The following SLC4A2 variants were observed in gnomAD, a reference collection of about 807,000 sequenced individuals.
The protein encoded by SLC4A2 is anion exchange protein 2.
SLC4A2 carries 36 observed loss-of-function variants against 115.0 expected under a neutral mutation model. The observed-to-expected ratio is 0.31, with a 90% CI of 0.24 to 0.41. The LOEUF is 0.41. SLC4A2 is among the 10% of genes least tolerant of loss of function. SLC4A2 has a pLI of 1.00. For synonymous variants in SLC4A2, 708 were observed against 708.3 expected, an observed-to-expected ratio of 1.00 and a Z score of 0.01; for missense variants, 1,252 against 1,705.6, an observed-to-expected ratio of 0.73 and a Z score of 4.68.
At chr7:151,072,483 G>A (rs1219297893) in intron 16 of SLC4A2, among the ~76,000 whole-genome samples, 3 of 151,838 alleles carry the variant, frequency 2.0e-5, no homozygotes, top group Non-Finnish European at 4.4e-5. Context: ...GTAGAGACGG[G>A]TTTCACCGTA....
At chr7:151,062,581 C>G in intron 2 of SLC4A2, 5 of 1,468,728 alleles carry the variant, frequency 3.4e-6, no homozygotes, top group Non-Finnish European at 4.5e-6. Flanking sequence ...GGGCACGTGA[C>G]TGGGAAGGGG....
intron 16 of SLC4A2, among the ~76,000 whole-genome samples, chr7:151,073,726 G>A (rs1797520247): frequency 6.6e-6 from 1 of 152,196 alleles, no homozygotes; most frequent in African/African-American, 2.4e-5. Flanking sequence ...GGCATCAGAT[G>A]TGTGTGACAG....
chr7:151,075,730 G>A lies in SLC4A2; in HGVS notation c.3426G>A (p.Leu1142=), dbSNP rs1797605930. The change falls in exon 21 of 23, where the codon CTG becomes CTA. Residue 1142 remains leucine, a synonymous_variant. Transcript: ENST00000413384. ...AGTTCTATGAGCGGCTGCATCTGCT[G>A]CTCATGCCGCCCAAACACCACCCAG... ...GIQFYERLHL[L]LMPPKHHPDV... is the part of the protein sequence containing the mutation. 1.2e-6 allele frequency: 2 copies of A among 1,610,620 alleles called. No individual in the cohort carries two copies. Among genetic ancestry groups the A allele is most frequent in the Admixed American group, 1.7e-5 (1 of 59,920 alleles).
Position 151,066,858 on chromosome 7 carries a change from G to A in SLC4A2, c.831G>A (p.Arg277=). Reference sequence around the variant, plus strand: ...GGTCCTCTGCCCCCACAGGTCACCGGTTTGAGGACGTTCCTGGGGTGCGGC... The same window carrying A: ...GGTCCTCTGCCCCCACAGGTCACCGATTTGAGGACGTTCCTGGGGTGCGGC... ...TADLDLMKSH[R]FEDVPGVRRH... The change falls in exon 7 of 23, where the codon CGG becomes CGA. Residue 277 remains arginine (R), a synonymous_variant. Coordinates refer to ENST00000413384, the MANE Select transcript of SLC4A2 (RefSeq NM_003040.4). 6.2e-7 allele frequency: 1 copy of A among 1,612,626 alleles called. No individual in the cohort carries two copies. The highest frequency in any genetic ancestry group is 8.5e-7 in the Non-Finnish European group (1 of 1,179,350).
intron 2 of SLC4A2, chr7:151,062,751 T>C (rs910010824): frequency 1.4e-5 from 19 of 1,393,370 alleles, no homozygotes; most frequent in Non-Finnish European, 1.7e-5. Context: ...CTGCTTCTGG[T>C]GGGAGTGGGG....
chr7:151,063,254 GC>G (rs1797117414), intron 2 of SLC4A2: 3 of 1,179,636 alleles, frequency 2.5e-6, no homozygotes, highest in Admixed American at 3.4e-5. Context: ...CGGGCCGGGG[GC>G]CTGGGGGCTG....
rs1797455638 is a variant in SLC4A2, at chr7:151,071,931, C to G, written c.2341-11C>G. On this transcript the variant is annotated splice_polypyrimidine_tract_variant and intron_variant, in intron 15 of 22. Coordinates refer to ENST00000413384, the MANE Select transcript of SLC4A2 (RefSeq NM_003040.4). This position sits in a 1 kb window ranked among gnomAD's most constrained non-coding sequence, Gnocchi z 5.5. Reference sequence around the variant, plus strand: ...ACCCAGAGCTCAGGACCTGACTGCCCCTCCCTCCAGTTCTGTAGCAGCAAC... The same window carrying G: ...ACCCAGAGCTCAGGACCTGACTGCCGCTCCCTCCAGTTCTGTAGCAGCAAC... 1 of 1,612,770 alleles carries G rather than the reference C, an allele frequency of 6.2e-7. No homozygotes were observed.
intron 8 of SLC4A2, among the ~76,000 whole-genome samples, chr7:151,069,367 A>T (rs187049599): frequency 1.3e-5 from 2 of 152,194 alleles, no homozygotes; most frequent in East Asian, 3.9e-4. Flanking sequence ...TGCCAGATGA[A>T]TGACCTGGTA....
At position 151,071,899 on chromosome 7, in the gene SLC4A2, C is replaced by T. The variant is rs753357801; in HGVS notation, c.2341-43C>T. On this transcript the variant is annotated intron_variant, in intron 15 of 22. Transcript: ENST00000413384. The surrounding 1 kb of genome is among the most constrained non-coding windows in gnomAD (Gnocchi z 5.5). ...CCGTGCCCTAGACACCTCCCCACAGCATCCCCACCCAGAGCTCAGGACCTG... is the reference window on the plus strand; with the variant it reads ...CCGTGCCCTAGACACCTCCCCACAGTATCCCCACCCAGAGCTCAGGACCTG... The T allele has an allele frequency of 4.4e-6, 7 of 1,608,252 alleles. No homozygotes were observed. The highest frequency in any genetic ancestry group is 6.0e-6 in the Non-Finnish European group (7 of 1,175,686).
chr7:151,061,732 G>T (rs1006643709), intron 1 of SLC4A2, 193 bp from the exon 2 acceptor site: 2 of 472,700 alleles, frequency 4.2e-6, no homozygotes, highest in Admixed American at 3.4e-5. Flanking sequence ...GGCCCCCCTC[G>T]CCTCAGTCCT....
chr7:151,069,140 C>CAAAGAAAAAAAAAAAAAAA (rs1797338149), intron 8 of SLC4A2, among the ~76,000 whole-genome samples: 1 of 40,950 alleles, frequency 2.4e-5, no homozygotes, highest in Non-Finnish European at 4.2e-5. Flanking sequence ...CTCTTATCAC[C>CAAAGAAAAAAAAAAAAAAA]AAAAAAAAAA....
At chr7:151,067,542 T>C (rs947997277) in intron 7 of SLC4A2, among the ~76,000 whole-genome samples, 1 of 152,248 alleles carries the variant, frequency 6.6e-6, no homozygotes, top group African/African-American at 2.4e-5. Context: ...TTAAAAGGCC[T>C]GCAAAACGCC....
chr7:151,062,663 G>A, intron 2 of SLC4A2: 1 of 1,520,302 alleles, frequency 6.6e-7, no homozygotes, highest in African/African-American at 1.4e-5. Flanking sequence ...TGCGGCCTCA[G>A]GTGCGAGGGG....
At position 151,072,082 on chromosome 7, in the gene SLC4A2, C is replaced by T. The variant is rs768667761; in HGVS notation, c.2481C>T (p.Phe827=). The T allele has an allele frequency of 5.6e-6, 9 of 1,614,024 alleles. No individual in the cohort carries two copies. The highest frequency in any genetic ancestry group is 4.4e-5 in the South Asian group (4 of 91,082). The part of the protein sequence containing the change: ...RFVSRFTQEI[F]AFLISLIFIY... The stretch of plus-strand genomic sequence containing the variant: ...TCTCCCGCTTCACCCAGGAGATCTT[C>T]GCCTTCTTGATCTCACTCATCTTCA... Residue 827 remains phenylalanine (F), a synonymous_variant, in exon 16 of 23, where the codon TTC becomes TTT. Transcript: ENST00000413384.
chr7:151,061,341 G>A (rs1409528806), intron 1 of SLC4A2: 1 of 151,160 alleles, frequency 6.6e-6, no homozygotes, highest in African/African-American at 2.5e-5. Context: ...CAAGGACCTG[G>A]GGGAGGGAAG....
At chr7:151,058,988 C>T (rs1796965058), upstream of SLC4A2, 1 of 152,216 alleles carries the variant, frequency 6.6e-6, no homozygotes, top group South Asian at 2.1e-4. Context: ...AAGTGTATTC[C>T]TTATCTGGAA....
At position 151,059,916 on chromosome 7, in the gene SLC4A2, A is replaced by G. The variant is rs953418555; in HGVS notation, c.-64+154A>G. On this transcript the variant is annotated intron_variant, in intron 1 of 22. Coordinates refer to ENST00000413384, the MANE Select transcript of SLC4A2 (RefSeq NM_003040.4). The surrounding 1 kb of genome is among the most constrained non-coding windows in gnomAD (Gnocchi z 5.8). ...CGCGGGGAACCGCGGTCTTGGGGAG[A>G]AGGATGGGGAGGCGGATGGAGTGCT... is the stretch of plus-strand genomic sequence containing the variant. Among the ~76,000 whole-genome samples the G allele has an allele frequency of 6.6e-6, 1 of 151,790 alleles. No homozygotes were observed. The highest frequency in any genetic ancestry group is 2.4e-5 in the African/African-American group (1 of 41,308).
chr7:151,062,480 T>G, intron 2 of SLC4A2: 16 of 1,069,684 alleles, frequency 1.5e-5, no homozygotes, highest in African/African-American at 1.8e-5. Context: ...TGGCCACCGC[T>G]CCACATGGCC....
At chr7:151,074,517 C>T in intron 18 of SLC4A2, 29 bp downstream of exon 18, 1 of 1,608,672 alleles carries the variant, frequency 6.2e-7, no homozygotes, top group East Asian at 2.2e-5. Context: ...CAGGCAAGTG[C>T]TGCTGCCTCT....
Sources: allele counts gnomAD v4.1 joint callset (sites outside exome capture counted in the v4.1 genomes callset), GRCh38; gene constraint gnomAD v4.1.1; non-coding constraint Gnocchi (gnomAD v3.1); transcripts MANE v1.5; gene names NCBI Gene and HGNC (gene_info 2026-07-23, HGNC 2026-07-21).